Variants in DOCK3 observed in about 807,000 individuals in gnomAD.
The protein encoded by DOCK3 is dedicator of cytokinesis protein 3.
In DOCK3, 60 loss-of-function variants were observed where a neutral mutation model predicts 265.6. The observed-to-expected ratio is 0.23, with a 90% CI of 0.18 to 0.28. The LOEUF is 0.28. DOCK3 is among the 10% of genes least tolerant of loss of function. DOCK3 has a pLI of 1.00. For synonymous variants in DOCK3, 881 were observed against 938.0 expected (o/e 0.94, Z 1.11); for missense variants, 1,981 against 2,594.3 (o/e 0.76, Z 5.14).
intron 12 of DOCK3, among the ~76,000 whole-genome samples, chr3:51,186,911 A>AT (rs1243170725): frequency 6.6e-6 from 1 of 152,232 alleles, no homozygotes; most frequent in Admixed American, 6.5e-5. Flanking sequence ...AGTTTGCTTC[A>AT]GGGGCAGGGC....
At chr3:50,775,685 C>A (rs2041551292) in intron 1 of DOCK3, among the ~76,000 whole-genome samples, 2 of 151,928 alleles carry the variant, frequency 1.3e-5, no homozygotes, top group African/African-American at 4.8e-5. Context: ...TTTTAGTGCA[C>A]CTGTTACCCG....
intron 1 of DOCK3, among the ~76,000 whole-genome samples, chr3:50,681,378 CTT>C (rs1414957796): frequency 6.6e-6 from 1 of 151,950 alleles, no homozygotes; most frequent in Admixed American, 6.6e-5. Context: ...ATTTTTGTGT[CTT>C]TATTCTTTAA....
chr3:50,881,797 C>T (rs970757411), intron 3 of DOCK3, among the ~76,000 whole-genome samples: 2 of 152,130 alleles, frequency 1.3e-5, no homozygotes, highest in Non-Finnish European at 2.9e-5. Context: ...AAAAGGAGCC[C>T]GCATTGCCCA....
intron 1 of DOCK3, among the ~76,000 whole-genome samples, chr3:50,688,446 T>C (rs1277282610): frequency 6.6e-6 from 1 of 152,122 alleles, no homozygotes. Context: ...TAAGTAGGAC[T>C]CTTGGTATTT....
At chr3:50,804,765 AG>A (rs1025259754) in intron 2 of DOCK3, among the ~76,000 whole-genome samples, 2 of 119,014 alleles carry the variant, frequency 1.7e-5, no homozygotes, top group Non-Finnish European at 3.4e-5. Context: ...GGAGAGGGAG[AG>A]GGGGAGGGGG....
chr3:50,867,562 T>G (rs1404212335), intron 3 of DOCK3, among the ~76,000 whole-genome samples: 1 of 152,006 alleles, frequency 6.6e-6, no homozygotes, highest in Non-Finnish European at 1.5e-5. Flanking sequence ...GTGGGTCTGT[T>G]GTATATGGCC....
At chr3:51,217,350 T>C (rs1238095842) in intron 14 of DOCK3, among the ~76,000 whole-genome samples, 2 of 152,210 alleles carry the variant, frequency 1.3e-5, no homozygotes, top group Non-Finnish European at 2.9e-5. Context: ...GCATGAGATA[T>C]TCTGCTCTGC....
intron 1 of DOCK3, among the ~76,000 whole-genome samples, chr3:50,766,758 A>G (rs1252272477): frequency 1.3e-5 from 2 of 152,056 alleles, no homozygotes; most frequent in Non-Finnish European, 2.9e-5. Context: ...AAATGTTCCT[A>G]TTTCTCCACA....
At chr3:51,230,099 G>A (rs1560248099) in intron 19 of DOCK3, among the ~76,000 whole-genome samples, 1 of 152,086 alleles carries the variant, frequency 6.6e-6, no homozygotes, top group Non-Finnish European at 1.5e-5. Flanking sequence ...GTGTTTATAT[G>A]CCATGTTTTC....
chr3:50,722,769 G>GT (rs58505050), intron 1 of DOCK3, among the ~76,000 whole-genome samples: 13,177 of 134,952 alleles, frequency 0.098, 1,012 homozygotes, highest in Non-Finnish European at 0.12. Flanking sequence ...TCTTTTTCTT[G>GT]TTTTTTTTTT....
rs752943319 is a variant in DOCK3, at chr3:50,890,018, T to G, written c.163-8T>G. 9 of 1,413,774 alleles carry G rather than the reference T, an allele frequency of 6.4e-6. No individual in the cohort carries two copies. Among genetic ancestry groups the G allele is most frequent in the Non-Finnish European group, 8.2e-6 (9 of 1,091,632 alleles). The allele number at this position is 1,413,774 out of a possible 1,614,324, so 87.6% of individuals were successfully genotyped here. A position where few individuals can be genotyped will look rare whatever the true frequency, so the allele number is the denominator to read the frequency against. On this transcript the variant is annotated splice_region_variant and splice_polypyrimidine_tract_variant and intron_variant, in intron 3 of 52. Transcript: ENST00000266037. Reference sequence around the variant, plus strand: ...TTTTTCTAACAGGAAATATTTTCTCTTTTACAGGGGATCTTTCCTGCAAAT... The same window carrying G: ...TTTTTCTAACAGGAAATATTTTCTCGTTTACAGGGGATCTTTCCTGCAAAT...
chr3:51,067,979 A>G (rs1199825907), intron 6 of DOCK3, among the ~76,000 whole-genome samples: 1 of 152,190 alleles, frequency 6.6e-6, no homozygotes, highest in Non-Finnish European at 1.5e-5. Context: ...ACACTTTTAT[A>G]AATGCCATAA....
intron 5 of DOCK3, among the ~76,000 whole-genome samples, chr3:51,035,493 C>T (rs1465793611): frequency 6.6e-6 from 1 of 152,172 alleles, no homozygotes; most frequent in Non-Finnish European, 1.5e-5. Flanking sequence ...TTCTCTACCT[C>T]ACTGAGTGTA....
At chr3:50,784,054 G>T (rs141662654) in intron 2 of DOCK3, among the ~76,000 whole-genome samples, 1 of 152,176 alleles carries the variant, frequency 6.6e-6, no homozygotes, top group East Asian at 1.9e-4. Context: ...TTTTAGTAGA[G>T]GTGGGGTTTC....
intron 2 of DOCK3, among the ~76,000 whole-genome samples, chr3:50,782,947 G>C (rs2041997718): frequency 6.8e-6 from 1 of 146,520 alleles, no homozygotes; most frequent in African/African-American, 2.5e-5. Context: ...TTCCATCCAG[G>C]TTGCTGTGAA....
At chr3:51,275,952 CTA>C (rs571341088) in intron 25 of DOCK3, among the ~76,000 whole-genome samples, 19 of 151,860 alleles carry the variant, frequency 1.3e-4, no homozygotes, top group Non-Finnish European at 2.6e-4. Flanking sequence ...AATTCAGAAA[CTA>C]TAGAAAAGCA....
intron 5 of DOCK3, among the ~76,000 whole-genome samples, chr3:51,038,028 T>G (rs934832397): frequency 6.6e-6 from 1 of 152,218 alleles, no homozygotes; most frequent in Non-Finnish European, 1.5e-5. Context: ...ATGTGCCTAT[T>G]TAATTTTGCC....
chr3:50,771,352 A>G (rs984314542), intron 1 of DOCK3, among the ~76,000 whole-genome samples: 3 of 152,234 alleles, frequency 2.0e-5, no homozygotes, highest in Admixed American at 6.5e-5. Context: ...AAGGTGCTCA[A>G]CATCATTGAT....
intron 5 of DOCK3, among the ~76,000 whole-genome samples, chr3:50,958,779 A>G (rs904856516): frequency 6.6e-6 from 1 of 152,218 alleles, no homozygotes; most frequent in Non-Finnish European, 1.5e-5. Flanking sequence ...ATTGTGGGAA[A>G]ACAAATACAA....
Sources: allele counts gnomAD v4.1 joint callset (sites outside exome capture counted in the v4.1 genomes callset), GRCh38; gene constraint gnomAD v4.1.1; transcripts MANE v1.5; gene names NCBI Gene and HGNC (gene_info 2026-07-23, HGNC 2026-07-21).